TNK2: variants seen among roughly 807,000 people sequenced by gnomAD.
The protein encoded by TNK2 is activated CDC42 kinase 1.
Under a neutral mutation model 101.8 loss-of-function variants are expected in TNK2, and 83 were observed. The ratio of observed to expected loss-of-function variants is 0.82; its 90% confidence interval spans 0.68 to 0.98. The LOEUF is 0.98. Ranked by LOEUF, TNK2 falls within the 50% of genes least tolerant of loss-of-function variation. The probability of loss-of-function intolerance (pLI) is 0.00; values close to 1 mark genes in which losing one functional copy is unlikely to be tolerated. For missense variants in TNK2, 1,665 were observed against 1,483.2 expected (o/e 1.12, Z -2.01); for synonymous variants, 804 against 633.0 (o/e 1.27, Z -4.06).
chr3:195,876,214 A>T (rs1749155455), intron 9 of TNK2, among the ~76,000 whole-genome samples: 1 of 152,178 alleles, frequency 6.6e-6, no homozygotes, highest in Non-Finnish European at 1.5e-5. Flanking sequence ...CCAAATCTAG[A>T]CACAGCACGA....
At chr3:195,871,197 G>A (rs538692491) in intron 10 of TNK2, among the ~76,000 whole-genome samples, 71 of 152,120 alleles carry the variant, frequency 4.7e-4, no homozygotes, top group East Asian at 1.4e-3. Flanking sequence ...AAGAAGCTTC[G>A]GGGGGTGGGG....
rs76580747 is a variant in TNK2 at position 195,904,403 on chromosome 3, C to T, written c.-19+4082G>A. On this transcript the variant is annotated intron_variant, in intron 1 of 15. Transcript: ENST00000672887. Reference sequence around the variant, plus strand: ...CTGCAATGTAAATGAACCTTGAATACGCTAGGCCGAGGTGAAATAAGCCAG... The same window carrying T: ...CTGCAATGTAAATGAACCTTGAATATGCTAGGCCGAGGTGAAATAAGCCAG... Among the ~76,000 whole-genome samples the T allele has an allele frequency of 2.5e-3, 386 of 152,004 alleles. 3 individuals carry two copies. Among genetic ancestry groups the T allele is most frequent in the African/African-American group, 9.0e-3 (373 of 41,404 alleles).
rs774523252 is a variant in TNK2, at chr3:195,867,905, G to A, written c.2393C>T (p.Pro798Leu). ...ASPPRVPPRE[P>L]LSPQGSRTPS... ...TGTCCTCGAGCCTTGAGGGGACAGG[G>A]GCTCCCGCGGAGGCACCCGGGGAGG... Residue 798 changes from proline (P) to leucine (L), a missense_variant, in exon 13 of 16, where the codon CCC becomes CTC. Physicochemically the swap from Pro to Leu is moderately conservative, Grantham distance 98 (BLOSUM62 -3). Coordinates refer to ENST00000672887, the MANE Select transcript of TNK2 (RefSeq NM_001382273.1). 3.9e-6 allele frequency: 6 copies of A among 1,531,016 alleles called. No homozygotes were observed. The highest frequency in any genetic ancestry group is 5.2e-6 in the Non-Finnish European group (6 of 1,148,820). The allele number at this position is 1,531,016 out of a possible 1,614,324, so 94.8% of individuals were successfully genotyped here. A position where few individuals can be genotyped will look rare whatever the true frequency, so the allele number is the denominator to read the frequency against.
At chr3:195,897,540 G>A (rs1760741389) in intron 1 of TNK2, among the ~76,000 whole-genome samples, 1 of 152,154 alleles carries the variant, frequency 6.6e-6, no homozygotes, top group Non-Finnish European at 1.5e-5. Flanking sequence ...ATCTCACTGT[G>A]CCCTAGACTG....
chr3:195,867,109 G>A, intron 14 of TNK2, 60 bp downstream of exon 14: 1 of 1,608,528 alleles, frequency 6.2e-7, no homozygotes, highest in Non-Finnish European at 8.5e-7. Context: ...GTGGGGCTGG[G>A]GGCAGCAGAA....
At chr3:195,871,842 G>A (rs1745539979) in intron 10 of TNK2, among the ~76,000 whole-genome samples, 1 of 152,156 alleles carries the variant, frequency 6.6e-6, no homozygotes. Context: ...AAGTGTCTCA[G>A]AGTTAGGAGA....
At position 195,872,368 on chromosome 3, in the gene TNK2, G is replaced by C. The variant is rs766664708; in HGVS notation, c.1359C>G (p.Asp453Glu). The C allele has an allele frequency of 5.0e-6, 8 of 1,613,400 alleles. No homozygotes were observed. Among genetic ancestry groups the C allele is most frequent in the Non-Finnish European group, 6.8e-6 (8 of 1,179,908 alleles). The change falls in exon 10 of 16, where the codon GAC (aspartate) becomes GAG (glutamate). Residue 453 changes from aspartate to glutamate, a missense_variant. Asp to Glu is a conservative substitution (Grantham distance 45). Coordinates refer to ENST00000672887, the MANE Select transcript of TNK2 (RefSeq NM_001382273.1). ...VTSVAGLSAQ[D>E]ISQPLQNSFI... Reference sequence around the variant, plus strand: ...AGCTGTTCTGCAGGGGCTGGCTGATGTCCTGGGCCGACAGGCCGGCCACGG... The same window carrying C: ...AGCTGTTCTGCAGGGGCTGGCTGATCTCCTGGGCCGACAGGCCGGCCACGG...
At chr3:195,891,925 T>A in intron 1 of TNK2, 1 of 988,032 alleles carries the variant, frequency 1.0e-6, no homozygotes, top group African/African-American at 1.7e-5. Context: ...TGTTCAGCTG[T>A]GCACTCCATG....
chr3:195,901,602 C>T (rs1679260082), intron 1 of TNK2, among the ~76,000 whole-genome samples: 1 of 152,186 alleles, frequency 6.6e-6, no homozygotes, highest in Non-Finnish European at 1.5e-5. Flanking sequence ...CCCACATGCC[C>T]ACCCGATGCT....
chr3:195,892,843 C>A (rs1759155523), intron 1 of TNK2: 2 of 750,652 alleles, frequency 2.7e-6, no homozygotes, highest in East Asian at 1.2e-4. Flanking sequence ...TCCCTCCCTC[C>A]CCAGCTGAGC....
chr3:195,872,792 C>G (rs1374678231), intron 9 of TNK2: 1 of 299,782 alleles, frequency 3.3e-6, no homozygotes, highest in African/African-American at 2.2e-5. Context: ...TCCCAGCAGA[C>G]CTGGGACCCA....
rs758058943 is a variant in TNK2 at position 195,864,143 on chromosome 3, AT to A, written c.*37del. ...CCTGGTGGACGGACAGGCTCAGGTGATTCCTTCAGGCAGGCCCTCTGGCTCT... is the reference window on the plus strand; with the variant it reads ...CCTGGTGGACGGACAGGCTCAGGTGATCCTTCAGGCAGGCCCTCTGGCTCT... On this transcript the variant is annotated 3_prime_UTR_variant, in exon 16 of 16. Coordinates refer to ENST00000672887, the MANE Select transcript of TNK2 (RefSeq NM_001382273.1). 6.2e-7 allele frequency: 1 copy of A among 1,613,762 alleles called. No homozygotes were observed.
intron 1 of TNK2, among the ~76,000 whole-genome samples, chr3:195,906,649 G>A (rs1277316550): frequency 6.6e-6 from 1 of 151,550 alleles, no homozygotes; most frequent in African/African-American, 2.4e-5. Flanking sequence ...GAATAAGGGG[G>A]ATGTTCACTA....
At chr3:195,865,458 G>A (rs1441192275) in intron 15 of TNK2, among the ~76,000 whole-genome samples, 2 of 147,906 alleles carry the variant, frequency 1.4e-5, no homozygotes, top group Admixed American at 6.8e-5. Context: ...GGGACAGACA[G>A]GTGACACCGA....
chr3:195,873,801 G>A (rs1389106664), intron 9 of TNK2, among the ~76,000 whole-genome samples: 1 of 152,058 alleles, frequency 6.6e-6, no homozygotes, highest in Non-Finnish European at 1.5e-5. Flanking sequence ...TCAAACCCGA[G>A]AGCACCACGG....
Position 195,897,300 on chromosome 3 carries a change from G to A in TNK2, c.-18-8694C>T, listed in dbSNP as rs184239210. On this transcript the variant is annotated intron_variant, in intron 1 of 15. Transcript: ENST00000672887. ...GGGCCTGACATCACACTGGTCTGGGGAGGAGGCTGGCCAGGGCCCAAGAAA... is the reference window on the plus strand; with the variant it reads ...GGGCCTGACATCACACTGGTCTGGGAAGGAGGCTGGCCAGGGCCCAAGAAA... Among the ~76,000 whole-genome samples the A allele has an allele frequency of 3.9e-5, 6 of 152,356 alleles. No homozygotes were observed. The East Asian group carries it at 1.2e-3, about 29-fold the overall frequency.
intron 6 of TNK2, among the ~76,000 whole-genome samples, chr3:195,880,227 T>G (rs1751621216): frequency 6.6e-6 from 1 of 152,070 alleles, no homozygotes; most frequent in East Asian, 1.9e-4. Context: ...AGTGCACAGG[T>G]AAGCAGCCCT....
intron 1 of TNK2, chr3:195,895,333 G>A (rs1760142707): frequency 1.3e-6 from 2 of 1,571,310 alleles, no homozygotes; most frequent in Non-Finnish European, 1.7e-6. Context: ...CGGTCAGGGA[G>A]AGAAGCAGCG....
At position 195,882,836 on chromosome 3, in the gene TNK2, C is replaced by T. The variant is rs944328919; in HGVS notation, c.609+321G>A. On this transcript the variant is annotated intron_variant, in intron 5 of 15. Coordinates refer to ENST00000672887, the MANE Select transcript of TNK2 (RefSeq NM_001382273.1). The surrounding 1 kb of genome is among the most constrained non-coding windows in gnomAD (Gnocchi z 4.2). ...TCATGCCATTGCACTCCAGCCTGGG[C>T]GACAAAGTGAGACTCCATCTCAAAA... is the stretch of plus-strand genomic sequence containing the variant. Among the ~76,000 whole-genome samples the T allele has an allele frequency of 2.0e-5, 3 of 152,212 alleles. No individual in the cohort carries two copies. Among genetic ancestry groups the T allele is most frequent in the South Asian group, 2.1e-4 (1 of 4,814 alleles).
Sources: gnomAD v4.1 joint callset for allele counts (sites outside exome capture counted in the v4.1 genomes callset) on GRCh38, gnomAD v4.1.1 for gene constraint, Gnocchi (gnomAD v3.1) non-coding constraint, MANE v1.5 for transcripts, NCBI Gene and HGNC (gene_info 2026-07-23, HGNC 2026-07-21) for gene names.